The following LRRC4C variants were observed in gnomAD, a reference collection of about 807,000 sequenced individuals.
The protein encoded by LRRC4C is leucine-rich repeat-containing protein 4C.
LRRC4C carries 5 observed loss-of-function variants against 33.6 expected under a neutral mutation model. The ratio of observed to expected loss-of-function variants is 0.15; its 90% CI spans 0.08 to 0.31. LRRC4C has a LOEUF of 0.31. LRRC4C is among the 10% of genes least tolerant of loss of function. The probability of loss-of-function intolerance (pLI) is 1.00; values close to 1 mark genes in which losing one functional copy is unlikely to be tolerated. For missense variants in LRRC4C, 560 were observed against 796.7 expected (o/e 0.70, Z 3.58); for synonymous variants, 329 against 302.0 (o/e 1.09, Z -0.93).
At chr11:41,070,390 T>C (rs1938588789) in intron 1 of LRRC4C, among the ~76,000 whole-genome samples, 1 of 152,022 alleles carries the variant, frequency 6.6e-6, no homozygotes, top group Admixed American at 6.6e-5. Context: ...CCAAAAGCAA[T>C]TGCAACAAAA....
intron 3 of LRRC4C, among the ~76,000 whole-genome samples, chr11:40,423,366 A>T: frequency 9.6e-6 from 1 of 104,650 alleles, no homozygotes. Flanking sequence ...TTTTTTTGAG[A>T]CGGAGTCTCG....
chr11:41,031,860 C>T (rs1246818367), intron 1 of LRRC4C, among the ~76,000 whole-genome samples: 2 of 151,988 alleles, frequency 1.3e-5, no homozygotes, highest in Non-Finnish European at 2.9e-5. Flanking sequence ...TGCCAGAGTT[C>T]TGATTCTGGA....
intron 1 of LRRC4C, among the ~76,000 whole-genome samples, chr11:41,001,203 T>C (rs1252504865): frequency 6.6e-6 from 1 of 152,084 alleles, no homozygotes; most frequent in Non-Finnish European, 1.5e-5. Flanking sequence ...GTACCACAAT[T>C]TTTAACTAGA....
intron 1 of LRRC4C, among the ~76,000 whole-genome samples, chr11:41,303,249 C>T (rs867591537): frequency 3.2e-4 from 48 of 148,280 alleles, no homozygotes; most frequent in East Asian, 1.0e-3. Flanking sequence ...AGGCACGCGC[C>T]GCCACGCCTG....
intron 3 of LRRC4C, among the ~76,000 whole-genome samples, chr11:40,497,368 C>T (rs961981883): frequency 2.6e-5 from 4 of 151,856 alleles, no homozygotes; most frequent in Middle Eastern, 3.4e-3. Flanking sequence ...CATGCCACTA[C>T]ACTCCAGCCT....
intron 3 of LRRC4C, among the ~76,000 whole-genome samples, chr11:40,379,734 G>A (rs1457545830): frequency 6.6e-6 from 1 of 152,160 alleles, no homozygotes; most frequent in Non-Finnish European, 1.5e-5. Flanking sequence ...AACTTGTTCT[G>A]AAGAATAAAG....
intron 1 of LRRC4C, among the ~76,000 whole-genome samples, chr11:40,948,234 G>A (rs1383483270): frequency 1.3e-5 from 2 of 152,022 alleles, no homozygotes; most frequent in African/African-American, 4.8e-5. Context: ...GGACAAACTA[G>A]CTGTTTTACC....
chr11:40,226,133 G>T (rs1864777125), intron 5 of LRRC4C, among the ~76,000 whole-genome samples: 1 of 152,114 alleles, frequency 6.6e-6, no homozygotes, highest in Non-Finnish European at 1.5e-5. Flanking sequence ...TCAGTGATTT[G>T]CCAGAAATCA....
intron 1 of LRRC4C, among the ~76,000 whole-genome samples, chr11:41,072,867 T>A (rs1216443904): frequency 6.6e-6 from 1 of 152,222 alleles, no homozygotes; most frequent in Non-Finnish European, 1.5e-5. Flanking sequence ...GTCCTACATT[T>A]TCTGTAGCAT....
chr11:40,822,360 A>G (rs1412140668), intron 2 of LRRC4C, among the ~76,000 whole-genome samples: 1 of 151,020 alleles, frequency 6.6e-6, no homozygotes, highest in Admixed American at 6.6e-5. Flanking sequence ...TTTATCGCTG[A>G]ATAGTATTCC....
intron 2 of LRRC4C, among the ~76,000 whole-genome samples, chr11:40,813,317 C>A (rs755638743): frequency 2.6e-5 from 4 of 152,014 alleles, no homozygotes; most frequent in Admixed American, 6.6e-5. Context: ...ATAATCATGG[C>A]GGAAGGCAAA....
At chr11:40,926,811 T>C (rs1957424058) in intron 2 of LRRC4C, among the ~76,000 whole-genome samples, 1 of 152,176 alleles carries the variant, frequency 6.6e-6, no homozygotes, top group South Asian at 2.1e-4. Flanking sequence ...TATACTTATT[T>C]AACAAGAATA....
At chr11:40,657,807 C>A (rs2136191084) in intron 2 of LRRC4C, among the ~76,000 whole-genome samples, 1 of 152,258 alleles carries the variant, frequency 6.6e-6, no homozygotes, top group South Asian at 2.1e-4. Flanking sequence ...TCAACCTTGG[C>A]AAAATAAACT....
intron 4 of LRRC4C, among the ~76,000 whole-genome samples, chr11:40,277,702 T>C (rs1042791106): frequency 1.3e-5 from 2 of 152,086 alleles, no homozygotes; most frequent in African/African-American, 2.4e-5. Flanking sequence ...GGTAAGTCAT[T>C]GAGCTTATTT....
At chr11:41,446,813 C>T (rs549494158) in intron 1 of LRRC4C, among the ~76,000 whole-genome samples, 1 of 152,192 alleles carries the variant, frequency 6.6e-6, no homozygotes, top group South Asian at 2.1e-4. Flanking sequence ...GAATTGAGGC[C>T]ACATGTGGCC....
chr11:41,040,815 T>C (rs1345668862), intron 1 of LRRC4C, among the ~76,000 whole-genome samples: 1 of 152,212 alleles, frequency 6.6e-6, no homozygotes, highest in African/African-American at 2.4e-5. Context: ...ACAACCACCT[T>C]CTTTGGTATT....
intron 2 of LRRC4C, among the ~76,000 whole-genome samples, chr11:40,910,350 CAAAAGACACATAGATG>C (rs1220481191): frequency 6.6e-6 from 1 of 151,852 alleles, no homozygotes; most frequent in African/African-American, 2.4e-5. Flanking sequence ...AGACTTCTAT[CAAAAGACACATAGATG>C]AAAAAAACCC....
chr11:40,901,556 G>GT (rs1190455722), intron 2 of LRRC4C, among the ~76,000 whole-genome samples: 5 of 151,940 alleles, frequency 3.3e-5, no homozygotes, highest in African/African-American at 1.2e-4. Flanking sequence ...ACCTCTACCA[G>GT]TTTTTTTTCT....
At chr11:41,121,298 G>A (rs1942417629) in intron 1 of LRRC4C, among the ~76,000 whole-genome samples, 1 of 152,112 alleles carries the variant, frequency 6.6e-6, no homozygotes, top group Non-Finnish European at 1.5e-5. Flanking sequence ...GTTCAGCAAA[G>A]CTATAACGTT....
Sources: allele counts gnomAD v4.1 joint callset (sites outside exome capture counted in the v4.1 genomes callset), GRCh38; gene constraint gnomAD v4.1.1; transcripts MANE v1.5; gene names NCBI Gene and HGNC (gene_info 2026-07-23, HGNC 2026-07-21).